The following ABHD8 variants were observed in gnomAD, a reference collection of about 807,000 sequenced individuals.
ABHD8 encodes the protein abhydrolase domain containing 8, also known as protein ABHD8.
In ABHD8, 10 loss-of-function variants were observed where a neutral mutation model predicts 29.3. That is an observed-to-expected ratio of 0.34 (90% CI 0.21 to 0.58). The LOEUF (loss-of-function observed/expected upper bound fraction) is 0.58. ABHD8 is among the 20% of genes least tolerant of loss of function. The pLI is 0.85. For synonymous variants in ABHD8, 282 were observed against 274.6 expected, an observed-to-expected ratio of 1.03 and a Z score of -0.27; for missense variants, 556 against 615.3, an observed-to-expected ratio of 0.90 and a Z score of 1.02.
At chr19:17,294,211 C>A (rs982175884) in intron 4 of ABHD8, 77 bp downstream of exon 4, 4 of 1,511,406 alleles carry the variant, frequency 2.6e-6, no homozygotes, top group Non-Finnish European at 3.6e-6. Flanking sequence ...GCTACCACGC[C>A]CCCCGCAGAG....
At chr19:17,293,954 G>A (rs8112691) in intron 4 of ABHD8, among the ~76,000 whole-genome samples, 7,632 of 152,080 alleles carry the variant, frequency 0.05, 276 homozygotes, top group East Asian at 0.12. Flanking sequence ...CCCTGGTGCC[G>A]GTCTTCTAGA....
In ABHD8 at chr19:17,292,720, CG is replaced by C. The variant is rs1568346241; in HGVS notation, c.1260del (p.Glu421SerfsTer?). ...TLLHEFLLWE[P>X]EPSPKALPEP... ...TCCGGTAGAGCCTTGGGCGAGGGCT[CG>C]GGCTCCCAGAGCAGGAATTCGTGGA... On this transcript the variant is annotated frameshift_variant, in exon 5 of 5. Coordinates refer to ENST00000247706, the MANE Select transcript of ABHD8 (RefSeq NM_024527.5). LOFTEE classifies it high-confidence loss of function. The C allele has an allele frequency of 1.2e-6, 2 of 1,613,584 alleles. No homozygotes were observed. Among genetic ancestry groups the C allele is most frequent in the Admixed American group, 1.7e-5 (1 of 59,982 alleles).
chr19:17,300,845 G>C lies in ABHD8; in HGVS notation c.761+11C>G, dbSNP rs530712660. On this transcript the variant is annotated intron_variant, in intron 2 of 4. Coordinates refer to ENST00000247706, the MANE Select transcript of ABHD8 (RefSeq NM_024527.5). The stretch of plus-strand genomic sequence containing the variant: ...CCCTCACCCCCACCCCACATGCCAG[G>C]GTTCACTTACCCGTAGGAATGGCCA... 6.8e-5 allele frequency: 107 copies of C among 1,575,954 alleles called. No homozygotes were observed. The South Asian group carries it at 1.1e-3, about 16-fold the overall frequency.
In ABHD8 at chr19:17,303,402, G is replaced by A. The variant is rs2074130974; in HGVS notation, c.-169C>T. On this transcript the variant is annotated 5_prime_UTR_variant, in exon 1 of 5. Transcript: ENST00000247706. ...GGCGGTCAGCGCAGGGGCATCCCGCGGCCGCCGAAACAGCCGGCCCTTTAA... is the reference window on the plus strand; with the variant it reads ...GGCGGTCAGCGCAGGGGCATCCCGCAGCCGCCGAAACAGCCGGCCCTTTAA... 6.6e-6 allele frequency: 1 copy of A among 152,232 alleles called. No homozygotes were observed. Among genetic ancestry groups the A allele is most frequent in the South Asian group, 2.1e-4 (1 of 4,830 alleles). The allele number at this position is 152,232 out of a possible 1,614,324, so 9.4% of individuals were successfully genotyped here. A position where few individuals can be genotyped will look rare whatever the true frequency, so the allele number is the denominator to read the frequency against.
In ABHD8 at chr19:17,301,211, C is replaced by G; in HGVS notation, c.406G>C (p.Ala136Pro). Residue 136 changes from alanine to proline, a missense_variant, in exon 2 of 5, where the codon GCA becomes CCA. Ala to Pro is a conservative substitution (Grantham distance 27). Around this residue, in one of 2 missense-constraint regions of ABHD8, gnomAD observed 286 missense variants for 261.4 expected, o/e 1.09. Transcript: ENST00000247706. ...CTGCCACTGCCGCTGCCGCTGCCTG[C>G]GCTGCCGGGGGCCAAGCGGCCATCG... ...GSDGRLAPGSAGSGSGSGSGG... is the reference protein window; with the variant it reads ...GSDGRLAPGSPGSGSGSGSGG... 6.3e-7 allele frequency: 1 copy of G among 1,598,654 alleles called. No homozygotes were observed. Among genetic ancestry groups the G allele is most frequent in the Non-Finnish European group, 8.5e-7 (1 of 1,175,244 alleles).
At position 17,303,373 on chromosome 19, in the gene ABHD8, CCCTGGCGGTCAGCG is replaced by C. The variant is rs2074130704; in HGVS notation, c.-154_-141del. Reference sequence around the variant, plus strand: ...TGCGTCTACGCGGGCGGGCACCTGCCCCTGGCGGTCAGCGCAGGGGCATCCCGCGGCCGCCGAAA... The same window carrying C: ...TGCGTCTACGCGGGCGGGCACCTGCCCAGGGGCATCCCGCGGCCGCCGAAA... On this transcript the variant is annotated 5_prime_UTR_variant, in exon 1 of 5. It removes the in-frame stop codon of an upstream open reading frame in the 5' UTR. Transcript: ENST00000247706. 2.0e-5 allele frequency: 3 copies of C among 152,238 alleles called. No individual in the cohort carries two copies. In the South Asian group the frequency reaches 6.2e-4, roughly 31 times the overall value. 9.4% of individuals were successfully genotyped at this position (152,238 alleles called of 1,614,324 possible).
rs762255829 is a variant in ABHD8, at chr19:17,294,810, G to T, written c.797C>A (p.Pro266Gln). Residue 266 changes from proline to glutamine, a missense_variant, in exon 3 of 5, where the codon CCA becomes CAA. Pro to Gln is a moderately conservative substitution (Grantham distance 76). Around this residue, in one of 2 missense-constraint regions of ABHD8, gnomAD observed 270 missense variants for 353.9 expected, o/e 0.76. Transcript: ENST00000247706. ...CATGATCACCTTGTGCACTAGGTCT[G>T]GGTACTCATGTGCCAGGAATGTGCA... ...SFCTFLAHEY[P>Q]DLVHKVIMIN... The T allele has an allele frequency of 1.2e-6, 2 of 1,614,184 alleles. No individual in the cohort carries two copies.
chr19:17,302,596 C>T (rs1341206151), intron 1 of ABHD8, among the ~76,000 whole-genome samples: 1 of 152,152 alleles, frequency 6.6e-6, no homozygotes, highest in Non-Finnish European at 1.5e-5. Context: ...CGGGGTGAGC[C>T]GGGGTCTGTT....
In ABHD8 at chr19:17,292,223, G is replaced by T; in HGVS notation, c.*438C>A. The stretch of plus-strand genomic sequence containing the variant: ...CATCCCCCCCCCTTGGGCAAAAATA[G>T]CTCCCAGCGCCGAGGAATGGGGGGT... On this transcript the variant is annotated 3_prime_UTR_variant, in exon 5 of 5. Transcript: ENST00000247706. 5 of 205,228 alleles carry T rather than the reference G, an allele frequency of 2.4e-5. No individual in the cohort carries two copies. The highest frequency in any genetic ancestry group is 3.9e-5 in the Non-Finnish European group (4 of 102,502). The allele number at this position is 205,228 out of a possible 1,614,324, so 12.7% of individuals were successfully genotyped here.
Position 17,292,273 on chromosome 19 carries a change from G to C in ABHD8, c.*388C>G. 3.1e-6 allele frequency: 1 copy of C among 323,494 alleles called. No homozygotes were observed. Among genetic ancestry groups the C allele is most frequent in the Non-Finnish European group, 5.6e-6 (1 of 177,678 alleles). 20.0% of individuals were successfully genotyped at this position (323,494 alleles called of 1,614,324 possible). On this transcript the variant is annotated 3_prime_UTR_variant, in exon 5 of 5. Transcript: ENST00000247706. ...TAGGAAGGGTCTCGGATAACGGGAT[G>C]GGGCCTCGAGGGTCCCTGTGGGGCT...
chr19:17,297,240 A>G (rs1160483832), intron 2 of ABHD8, among the ~76,000 whole-genome samples: 1 of 151,950 alleles, frequency 6.6e-6, no homozygotes, highest in Non-Finnish European at 1.5e-5. Context: ...AAATGTGCTG[A>G]CCTAATAGCA....
chr19:17,292,818 G>A lies in ABHD8; in HGVS notation c.1163C>T (p.Ala388Val). 1 of 1,612,500 alleles carries A rather than the reference G, an allele frequency of 6.2e-7. No homozygotes were observed. Among genetic ancestry groups the A allele is most frequent in the Non-Finnish European group, 8.5e-7 (1 of 1,179,196 alleles). Residue 388 changes from alanine (A) to valine (V), a missense_variant, in exon 5 of 5, where the codon GCA becomes GTA. Coordinates refer to ENST00000247706, the MANE Select transcript of ABHD8 (RefSeq NM_024527.5). ...GCCCTCGTCGATGAGCTTCAGGAATGCCAGGAGCAGGATCTGCAGAAGACG... is the reference window on the plus strand; with the variant it reads ...GCCCTCGTCGATGAGCTTCAGGAATACCAGGAGCAGGATCTGCAGAAGACG... ...DQRMAEILLL[A>V]FLKLIDEGSH... is the part of the protein sequence containing the mutation.
intron 2 of ABHD8, among the ~76,000 whole-genome samples, chr19:17,298,992 T>C (rs1317280753): frequency 6.6e-6 from 1 of 152,170 alleles, no homozygotes; most frequent in Non-Finnish European, 1.5e-5. Flanking sequence ...TCTGCCTGCT[T>C]TGGCTTCCTA....
chr19:17,292,548 GC>G lies in ABHD8; in HGVS notation c.*112del. The G allele has an allele frequency of 7.8e-7, 1 of 1,279,794 alleles. No homozygotes were observed. The allele number at this position is 1,279,794 out of a possible 1,614,324, so 79.3% of individuals were successfully genotyped here. On this transcript the variant is annotated 3_prime_UTR_variant, in exon 5 of 5. Transcript: ENST00000247706. Reference sequence around the variant, plus strand: ...GGGGGCGTCTCCCTGACCTGGCCCCGCCCACCGGAGCGAACGGCCCGCCCAG... The same window carrying G: ...GGGGGCGTCTCCCTGACCTGGCCCCGCCACCGGAGCGAACGGCCCGCCCAG...
At position 17,303,416 on chromosome 19, in the gene ABHD8, C is replaced by G. The variant is rs1443681020; in HGVS notation, c.-183G>C. 1.3e-5 allele frequency: 2 copies of G among 152,304 alleles called. No individual in the cohort carries two copies. The highest frequency in any genetic ancestry group is 4.8e-5 in the African/African-American group (2 of 41,474). The allele number at this position is 152,304 out of a possible 1,614,324, so 9.4% of individuals were successfully genotyped here. A position where few individuals can be genotyped will look rare whatever the true frequency, so the allele number is the denominator to read the frequency against. On this transcript the variant is annotated 5_prime_UTR_variant, in exon 1 of 5. Transcript: ENST00000247706. ...GGGCATCCCGCGGCCGCCGAAACAGCCGGCCCTTTAAGTTCCTCCCCCGAG... is the reference window on the plus strand; with the variant it reads ...GGGCATCCCGCGGCCGCCGAAACAGGCGGCCCTTTAAGTTCCTCCCCCGAG...
At chr19:17,299,237 C>G (rs1041464223) in intron 2 of ABHD8, among the ~76,000 whole-genome samples, 10 of 142,572 alleles carry the variant, frequency 7.0e-5, no homozygotes, top group Non-Finnish European at 1.6e-4. Flanking sequence ...TAATGAGACC[C>G]CCCCCCCATT....
chr19:17,303,005 C>A (rs763512549), intron 1 of ABHD8: 1 of 152,176 alleles, frequency 6.6e-6, no homozygotes, highest in Non-Finnish European at 1.5e-5. Context: ...ATGCCCCCCA[C>A]CTCGAGTGGG....
In ABHD8 at chr19:17,294,433, G is replaced by A. The variant is rs779284386; in HGVS notation, c.1004C>T (p.Ser335Phe). 3.7e-6 allele frequency: 6 copies of A among 1,614,138 alleles called. No individual in the cohort carries two copies. The highest frequency in any genetic ancestry group is 2.5e-6 in the Non-Finnish European group (3 of 1,180,012). ...GCTCATCATGGCCCGGAGTACGAAG[G>A]ATGACACGTTGAAAGCGTTGCCCTC... ...LKEGNAFNVS[S>F]FVLRAMMSGQ... The change falls in exon 4 of 5, where the codon TCC (serine) becomes TTC (phenylalanine). Residue 335 changes from serine (S) to phenylalanine (F), a missense_variant. By Grantham distance (155) the Ser-to-Phe change is radical. Around this residue, in one of 2 missense-constraint regions of ABHD8, gnomAD observed 270 missense variants for 353.9 expected, o/e 0.76. Coordinates refer to ENST00000247706, the MANE Select transcript of ABHD8 (RefSeq NM_024527.5).
At chr19:17,299,294 G>C (rs977113449) in intron 2 of ABHD8, among the ~76,000 whole-genome samples, 1 of 149,134 alleles carries the variant, frequency 6.7e-6, no homozygotes, top group Non-Finnish European at 1.5e-5. Flanking sequence ...TGGTGCGTTG[G>C]CTCACGCCTG....
Sources: gnomAD v4.1 joint callset for allele counts (sites outside exome capture counted in the v4.1 genomes callset) on GRCh38, gnomAD v4.1.1 for gene constraint, gnomAD v4.1.1 regional missense constraint, MANE v1.5 for transcripts, NCBI Gene and HGNC (gene_info 2026-07-23, HGNC 2026-07-21) for gene names.